SIDT1: variants seen among roughly 807,000 people sequenced by gnomAD.
SIDT1 encodes the protein SID1 transmembrane family, member 1.
A neutral mutation model predicts 107.5 loss-of-function variants in SIDT1; 101 were observed. The ratio of observed to expected loss-of-function variants is 0.94; its 90% CI spans 0.80 to 1.11. SIDT1 has a LOEUF of 1.11. Among genes scored for constraint, SIDT1 ranks in the 50% least tolerant of loss-of-function variants. The pLI is 0.00. For missense variants in SIDT1, 1,076 were observed against 1,058.2 expected (o/e 1.02, Z -0.23); for synonymous variants, 395 against 398.2 (o/e 0.99, Z 0.10).
intron 3 of SIDT1, among the ~76,000 whole-genome samples, chr3:113,568,817 T>G (rs1434624410): frequency 6.6e-6 from 1 of 151,656 alleles, no homozygotes; most frequent in Admixed American, 6.6e-5. Flanking sequence ...CCCAACAACA[T>G]GGATACATCT....
chr3:113,536,010 G>A (rs934230202), intron 1 of SIDT1, among the ~76,000 whole-genome samples: 2 of 152,168 alleles, frequency 1.3e-5, no homozygotes, highest in African/African-American at 4.8e-5. Context: ...TTTACTGAAG[G>A]TTTGGAATAA....
downstream of SIDT1, among the ~76,000 whole-genome samples, chr3:113,632,050 C>T (rs1437326084): frequency 3.9e-5 from 6 of 152,060 alleles, no homozygotes; most frequent in Non-Finnish European, 7.4e-5. Flanking sequence ...TGGAGATGAA[C>T]AATAGCTGAC....
At chr3:113,562,726 C>G (rs906340536) in intron 1 of SIDT1, among the ~76,000 whole-genome samples, 4 of 152,098 alleles carry the variant, frequency 2.6e-5, no homozygotes, top group African/African-American at 9.7e-5. Flanking sequence ...GAGTGACTGC[C>G]AATGAGTACA....
rs11367567 is a variant in SIDT1 at position 113,555,849 on chromosome 3, C to CT, written c.223-10553dup. Among the ~76,000 whole-genome samples the CT allele has an allele frequency of 4.3e-3, 546 of 126,788 alleles. 1 individual carries two copies. The highest frequency in any genetic ancestry group is 0.015 in the African/African-American group (518 of 35,240). 83.2% of individuals were successfully genotyped at this position (126,788 alleles called of 152,430 possible). On this transcript the variant is annotated intron_variant, in intron 1 of 24. Coordinates refer to ENST00000264852, the MANE Select transcript of SIDT1 (RefSeq NM_017699.3). Reference sequence around the variant, plus strand: ...TCCTACATAAGACGGACTATATAATCTTTTTTTTTTTTTTTTTTGCCCGGG... The same window carrying CT: ...TCCTACATAAGACGGACTATATAATCTTTTTTTTTTTTTTTTTTTGCCCGGG...
At chr3:113,595,629 A>G (rs1944492244) in intron 10 of SIDT1, among the ~76,000 whole-genome samples, 1 of 151,986 alleles carries the variant, frequency 6.6e-6, no homozygotes, top group Admixed American at 6.6e-5. Flanking sequence ...TGGGGGCAAA[A>G]CTCTTTCCCC....
chr3:113,548,529 T>A (rs573929904), intron 1 of SIDT1, among the ~76,000 whole-genome samples: 1 of 152,230 alleles, frequency 6.6e-6, no homozygotes, highest in African/African-American at 2.4e-5. Context: ...CTCTGGCATA[T>A]TGACTATTTT....
chr3:113,635,967 A>C, the SIDT1 span, among the ~76,000 whole-genome samples: 19 of 152,204 alleles, frequency 1.2e-4, no homozygotes, highest in African/African-American at 4.3e-4. Context: ...CATTTAGGGT[A>C]TAATGATAAT....
chr3:113,540,921 CA>C (rs1190047606), intron 1 of SIDT1, among the ~76,000 whole-genome samples: 1 of 152,022 alleles, frequency 6.6e-6, no homozygotes, highest in Admixed American at 6.6e-5. Flanking sequence ...TCTCTTTCTT[CA>C]ATAAGATGAC....
chr3:113,634,019 G>C (rs886914561), downstream of SIDT1, among the ~76,000 whole-genome samples: 2 of 152,154 alleles, frequency 1.3e-5, no homozygotes, highest in Non-Finnish European at 2.9e-5. Flanking sequence ...CTAGGTAAAA[G>C]GGGAGAAGTC....
Position 113,611,114 on chromosome 3 carries a change from T to A in SIDT1, c.1827T>A (p.Ala609=). The change falls in exon 18 of 25, where the codon GCT becomes GCA. Residue 609 remains alanine (A), a synonymous_variant. Coordinates refer to ENST00000264852, the MANE Select transcript of SIDT1 (RefSeq NM_017699.3). ...CCTACTCTGCCTATGCCTCCTTTGC[T>A]GTGGTCATCATGGTCACCGTCCTTG... The part of the protein sequence containing the change: ...ASAYSAYASF[A]VVIMVTVLGV... 6.2e-7 allele frequency: 1 copy of A among 1,614,030 alleles called. No homozygotes were observed. The highest frequency in any genetic ancestry group is 8.5e-7 in the Non-Finnish European group (1 of 1,179,982).
At chr3:113,615,159 C>T (rs553441919) in intron 19 of SIDT1, 4 of 1,409,294 alleles carry the variant, frequency 2.8e-6, no homozygotes, top group African/African-American at 2.8e-5. Flanking sequence ...CAGCCCTGCT[C>T]CCTGAACAGC....
chr3:113,593,772 CTT>C (rs1195633519), intron 10 of SIDT1, among the ~76,000 whole-genome samples: 2 of 152,138 alleles, frequency 1.3e-5, no homozygotes, highest in Admixed American at 1.3e-4. Flanking sequence ...AAGATGGAGG[CTT>C]TCTTAAGTGT....
Position 113,626,193 on chromosome 3 carries a change from C to T in SIDT1, c.2399C>T (p.Thr800Ile), listed in dbSNP as rs769525342. Residue 800 changes from threonine to isoleucine, a missense_variant, in exon 24 of 25, where the codon ACT becomes ATT. Physicochemically the swap from Thr to Ile is moderately conservative, Grantham distance 89 (BLOSUM62 -1). Coordinates refer to ENST00000264852, the MANE Select transcript of SIDT1 (RefSeq NM_017699.3). Reference sequence around the variant, plus strand: ...GACATCTGGCACTTCCTCTCTGCTACTGCTCTGTTTTTCTCATTCTTGGTG... The same window carrying T: ...GACATCTGGCACTTCCTCTCTGCTATTGCTCTGTTTTTCTCATTCTTGGTG... ...DHDIWHFLSA[T>I]ALFFSFLVLL... 1.4e-5 allele frequency: 22 copies of T among 1,613,096 alleles called. No individual in the cohort carries two copies. Among genetic ancestry groups the T allele is most frequent in the Non-Finnish European group, 1.9e-5 (22 of 1,179,172 alleles).
At chr3:113,615,101 G>C (rs1946009352) in intron 19 of SIDT1, 4 of 1,535,296 alleles carry the variant, frequency 2.6e-6, no homozygotes, top group Non-Finnish European at 3.5e-6. Context: ...ACCCTTTCCA[G>C]GGGTCTAGAT....
chr3:113,562,167 C>T lies in SIDT1; in HGVS notation c.223-4253C>T, dbSNP rs1032404794. ...GTCCACAATGAGATGCAACTTTACACCCACTAGGATGGCTATATTCAAAAA... is the reference window on the plus strand; with the variant it reads ...GTCCACAATGAGATGCAACTTTACATCCACTAGGATGGCTATATTCAAAAA... On this transcript the variant is annotated intron_variant, in intron 1 of 24. Coordinates refer to ENST00000264852, the MANE Select transcript of SIDT1 (RefSeq NM_017699.3). Among the ~76,000 whole-genome samples, 5 of 152,196 alleles carry T rather than the reference C, an allele frequency of 3.3e-5. No homozygotes were observed. In the South Asian group the frequency reaches 8.3e-4, roughly 25 times the overall value.
At chr3:113,624,402 G>A (rs533066110) in intron 23 of SIDT1, among the ~76,000 whole-genome samples, 1 of 152,298 alleles carries the variant, frequency 6.6e-6, no homozygotes, top group African/African-American at 2.4e-5. Context: ...ATGTGTCCTA[G>A]GTTCAAGCAT....
intron 10 of SIDT1, among the ~76,000 whole-genome samples, chr3:113,597,495 C>CAAAAAAA (rs60934363): frequency 1.8e-5 from 2 of 109,520 alleles, no homozygotes; most frequent in Admixed American, 1.0e-4. Flanking sequence ...GACTCCATCT[C>CAAAAAAA]AAAAAAAAAA....
At chr3:113,622,912 G>A (rs952913908) in intron 21 of SIDT1, among the ~76,000 whole-genome samples, 3 of 152,038 alleles carry the variant, frequency 2.0e-5, no homozygotes, top group Admixed American at 6.5e-5. Context: ...TATAGGCAAG[G>A]CACCATGGCT....
chr3:113,583,800 T>C (rs1416733966), intron 7 of SIDT1, among the ~76,000 whole-genome samples: 6 of 152,200 alleles, frequency 3.9e-5, no homozygotes, highest in Admixed American at 3.9e-4. Flanking sequence ...TTTGCTACCA[T>C]GAAGTAATGA....
Sources: gnomAD v4.1 joint callset for allele counts (sites outside exome capture counted in the v4.1 genomes callset) on GRCh38, gnomAD v4.1.1 for gene constraint, MANE v1.5 for transcripts, NCBI Gene and HGNC (gene_info 2026-07-23, HGNC 2026-07-21) for gene names.